ABAT: variants seen among roughly 807,000 people sequenced by gnomAD.
ABAT encodes the protein 4-aminobutyrate aminotransferase, mitochondrial.
ABAT carries 45 observed loss-of-function variants against 64.6 expected under a neutral mutation model. That is an observed-to-expected ratio of 0.70 (90% CI 0.55 to 0.89). ABAT has a LOEUF of 0.89. ABAT is among the 40% of genes least tolerant of loss of function. The pLI is 0.00. For synonymous variants in ABAT, 297 were observed against 250.5 expected (o/e 1.19, Z -1.75); for missense variants, 633 against 658.4 (o/e 0.96, Z 0.42).
intron 1 of ABAT, among the ~76,000 whole-genome samples, chr16:8,724,909 A>C (rs2058496195): frequency 2.1e-4 from 1 of 4,688 alleles, no homozygotes; most frequent in South Asian, 0.05. Flanking sequence ...CAACTCCAAT[A>C]TCTCTTTTTT....
intron 9 of ABAT, among the ~76,000 whole-genome samples, chr16:8,766,772 C>T (rs2059958536): frequency 6.6e-6 from 1 of 152,186 alleles, no homozygotes; most frequent in African/African-American, 2.4e-5. Context: ...AGTTCCAGAC[C>T]AGCCTGGCCA....
intron 11 of ABAT, among the ~76,000 whole-genome samples, chr16:8,772,280 G>A (rs990324473): frequency 1.1e-5 from 1 of 90,422 alleles, no homozygotes; most frequent in Non-Finnish European, 2.2e-5. Context: ...GTGTGTGTGT[G>A]TGTGTGTGTG....
chr16:8,744,125 G>C (rs1309367360), intron 2 of ABAT, among the ~76,000 whole-genome samples: 1 of 152,112 alleles, frequency 6.6e-6, no homozygotes, highest in Non-Finnish European at 1.5e-5. Flanking sequence ...CAAATGATGG[G>C]TGACCATGTA....
chr16:8,740,233 A>G (rs958476638), intron 2 of ABAT, among the ~76,000 whole-genome samples: 2 of 152,118 alleles, frequency 1.3e-5, no homozygotes, highest in African/African-American at 4.8e-5. Context: ...GCCACGTAAC[A>G]CATACCTCCA....
intron 1 of ABAT, among the ~76,000 whole-genome samples, chr16:8,695,866 C>G (rs1273370): frequency 0.088 from 13,434 of 152,114 alleles, 718 homozygotes; most frequent in Middle Eastern, 0.17. Flanking sequence ...GCAGTTGACC[C>G]GAGGGAGTGG....
At chr16:8,723,455 T>G (rs2058432671) in intron 1 of ABAT, among the ~76,000 whole-genome samples, 2 of 152,130 alleles carry the variant, frequency 1.3e-5, no homozygotes, top group African/African-American at 4.8e-5. Context: ...ATCTGGGGTT[T>G]CCAGTGCAAG....
In ABAT at chr16:8,676,016, G is replaced by T. The variant is rs868296987; in HGVS notation, c.-42+1305G>T. Reference sequence around the variant, plus strand: ...GCTGCTTTGATGAAGCTAGACTAAGGGACAGGATGTTGGTGACCTGGGGGT... The same window carrying T: ...GCTGCTTTGATGAAGCTAGACTAAGTGACAGGATGTTGGTGACCTGGGGGT... On this transcript the variant is annotated intron_variant, in intron 1 of 15. Transcript: ENST00000268251. Among the ~76,000 whole-genome samples, 4 of 152,122 alleles carry T rather than the reference G, an allele frequency of 2.6e-5. No individual in the cohort carries two copies. In the East Asian group the frequency reaches 7.8e-4, roughly 29 times the overall value.
chr16:8,694,786 C>T (rs773685348), intron 1 of ABAT, among the ~76,000 whole-genome samples: 11 of 152,222 alleles, frequency 7.2e-5, no homozygotes, highest in Non-Finnish European at 1.5e-4. Context: ...TGGGTGCATT[C>T]CCAAGGCTGA....
chr16:8,768,796 C>G, intron 10 of ABAT, 29 bp from the exon 11 acceptor site: 3 of 1,613,910 alleles, frequency 1.9e-6, no homozygotes, highest in Non-Finnish European at 2.5e-6. Flanking sequence ...CCAAGCCAAG[C>G]GTCTGCTTTT....
At chr16:8,774,749 G>T in intron 12 of ABAT, 141 bp from the exon 13 acceptor site, 1 of 969,922 alleles carries the variant, frequency 1.0e-6, no homozygotes, top group Non-Finnish European at 1.6e-6. Context: ...CACAGCTCAA[G>T]AACATGGGGC....
At chr16:8,761,286 C>T (rs1714684616) in intron 6 of ABAT, among the ~76,000 whole-genome samples, 1 of 151,660 alleles carries the variant, frequency 6.6e-6, no homozygotes, top group Non-Finnish European at 1.5e-5. Context: ...AGCAACCTCT[C>T]CCCATCGATC....
At chr16:8,754,705 TCTTTCTTTCTTTCTTTC>T (rs2059600265) in intron 5 of ABAT, among the ~76,000 whole-genome samples, 5 of 102,206 alleles carry the variant, frequency 4.9e-5, no homozygotes, top group African/African-American at 1.9e-4. Flanking sequence ...TTTCTTTCTT[TCTTTCTTTCTTTCTTTC>T]TTTTTTTTTT....
At chr16:8,734,628 C>T (rs111867071) in intron 1 of ABAT, among the ~76,000 whole-genome samples, 30 of 152,174 alleles carry the variant, frequency 2.0e-4, no homozygotes, top group African/African-American at 7.0e-4. Flanking sequence ...GTGCAGCATG[C>T]GTCACACAGA....
At chr16:8,692,595 A>G (rs1005763113) in intron 1 of ABAT, among the ~76,000 whole-genome samples, 2 of 152,082 alleles carry the variant, frequency 1.3e-5, no homozygotes, top group South Asian at 2.1e-4. Context: ...AGCACTTGCC[A>G]TGTCATATTT....
chr16:8,744,173 G>A (rs1350230715), intron 2 of ABAT, among the ~76,000 whole-genome samples: 1 of 152,092 alleles, frequency 6.6e-6, no homozygotes, highest in East Asian at 1.9e-4. Context: ...AAAAATACCT[G>A]GGATTGGGTA....
intron 5 of ABAT, among the ~76,000 whole-genome samples, chr16:8,751,976 G>A (rs2059500540): frequency 6.6e-6 from 1 of 152,208 alleles, no homozygotes; most frequent in Non-Finnish European, 1.5e-5. Flanking sequence ...CATAGGCTGT[G>A]TCTGATGAAG....
chr16:8,765,275 G>A, intron 8 of ABAT, among the ~76,000 whole-genome samples: 1 of 151,740 alleles, frequency 6.6e-6, no homozygotes, highest in South Asian at 2.1e-4. Context: ...GGTCAAGGCT[G>A]CAGTGAGCCA....
chr16:8,678,709 G>C (rs533941646), intron 1 of ABAT, among the ~76,000 whole-genome samples: 1 of 152,332 alleles, frequency 6.6e-6, no homozygotes, highest in East Asian at 1.9e-4. Flanking sequence ...CCATGGCAGA[G>C]CTTGCAACAC....
intron 5 of ABAT, among the ~76,000 whole-genome samples, chr16:8,757,008 C>A (rs925983054): frequency 4.6e-5 from 7 of 152,152 alleles, no homozygotes; most frequent in African/African-American, 1.7e-4. Flanking sequence ...GGTGGCATCA[C>A]TACTCGCTCA....
Sources: allele counts gnomAD v4.1 joint callset (sites outside exome capture counted in the v4.1 genomes callset), GRCh38; gene constraint gnomAD v4.1.1; transcripts MANE v1.5; gene names NCBI Gene and HGNC (gene_info 2026-07-23, HGNC 2026-07-21).